Variants in DDC observed in about 807,000 individuals in gnomAD.
The protein encoded by DDC is aromatic-L-amino-acid decarboxylase.
DDC carries 43 observed loss-of-function variants against 60.0 expected under a neutral mutation model. The observed-to-expected ratio is 0.72, with a 90% CI of 0.56 to 0.92. DDC has a LOEUF of 0.92. Among genes scored for constraint, DDC ranks in the 40% least tolerant of loss-of-function variants. The pLI, the probability that DDC is intolerant of heterozygous loss-of-function variation, is 0.00. For missense variants in DDC, 573 were observed against 620.2 expected (o/e 0.92, Z 0.81); for synonymous variants, 232 against 234.6 (o/e 0.99, Z 0.10).
chr7:50,521,262 A>G (rs2043881815), intron 6 of DDC, among the ~76,000 whole-genome samples: 1 of 152,186 alleles, frequency 6.6e-6, no homozygotes, highest in Non-Finnish European at 1.5e-5. Flanking sequence ...AGAGAAAGAG[A>G]TAACCTCAAT....
intron 7 of DDC, among the ~76,000 whole-genome samples, chr7:50,499,824 G>A (rs530189906): frequency 6.6e-6 from 1 of 152,282 alleles, no homozygotes; most frequent in South Asian, 2.1e-4. Flanking sequence ...CCTCATTCAG[G>A]AGCTGGGAGA....
intron 11 of DDC, 102 bp downstream of exon 11, chr7:50,476,522 G>T: frequency 9.0e-7 from 1 of 1,116,372 alleles, no homozygotes. Flanking sequence ...GCCCACCAGT[G>T]CGTGCTGATC....
intron 7 of DDC, among the ~76,000 whole-genome samples, chr7:50,501,392 T>A (rs886997081): frequency 6.6e-6 from 1 of 152,182 alleles, no homozygotes; most frequent in African/African-American, 2.4e-5. Context: ...AACTATCCAC[T>A]TTTTGTATTC....
At chr7:50,517,862 T>C (rs1329071409) in intron 6 of DDC, among the ~76,000 whole-genome samples, 1 of 139,060 alleles carries the variant, frequency 7.2e-6, no homozygotes, top group Admixed American at 7.2e-5. Context: ...GGAATATACC[T>C]AACCAAGGAG....
At chr7:50,543,610 A>G in intron 2 of DDC, 1 of 478,584 alleles carries the variant, frequency 2.1e-6, no homozygotes, top group South Asian at 2.0e-5. Flanking sequence ...CTGGGCAGGG[A>G]CTGAGTCTCA....
At chr7:50,541,386 G>C (rs545621480) in intron 2 of DDC, 3 of 152,262 alleles carry the variant, frequency 2.0e-5, no homozygotes, top group Non-Finnish European at 2.9e-5. Context: ...ATGCTCTATC[G>C]GGCTTGGCTG....
At chr7:50,553,775 G>C (rs10229387) in intron 1 of DDC, among the ~76,000 whole-genome samples, 1 of 151,820 alleles carries the variant, frequency 6.6e-6, no homozygotes, top group Non-Finnish European at 1.5e-5. Context: ...GTGAACCACC[G>C]TACCCAGCCT....
At chr7:50,491,873 G>A (rs775174714) in intron 9 of DDC, among the ~76,000 whole-genome samples, 1 of 152,044 alleles carries the variant, frequency 6.6e-6, no homozygotes, top group Non-Finnish European at 1.5e-5. Flanking sequence ...AATCATCTTT[G>A]GGGAAAGGCA....
At chr7:50,544,195 G>A (rs1299128547) in intron 1 of DDC, 82 bp from the exon 2 acceptor site, 2 of 1,055,278 alleles carry the variant, frequency 1.9e-6, no homozygotes, top group African/African-American at 1.6e-5. Context: ...CCGTGGGTAG[G>A]GACACCTGGG....
intron 6 of DDC, among the ~76,000 whole-genome samples, chr7:50,504,299 G>A (rs188246675): frequency 2.7e-4 from 41 of 152,292 alleles, no homozygotes; most frequent in East Asian, 3.9e-4. Flanking sequence ...GTTAGAAACC[G>A]GGAAGTTGCA....
rs770717871 is a variant in DDC, at chr7:50,463,316, C to A, written c.1358G>T (p.Arg453Leu). Residue 453 changes from arginine to leucine, a missense_variant, in exon 14 of 15, where the codon CGC becomes CTC. By Grantham distance (102) the Arg-to-Leu change is moderately radical (BLOSUM62 -2). Transcript: ENST00000444124. ...KFVLRFAICS[R>L]TVESAHVQRA... is the part of the protein sequence containing the mutation. ...CTGCACATGGGCAGATTCCACCGTG[C>A]GAGAACAGATGGCAAAGCGCAGGAC... The A allele has an allele frequency of 1.2e-6, 2 of 1,614,094 alleles. No individual in the cohort carries two copies. The highest frequency in any genetic ancestry group is 8.5e-7 in the Non-Finnish European group (1 of 1,180,052).
In DDC at chr7:50,564,782, T is replaced by C. The variant is rs76579124; in HGVS notation, c.-29+503A>G. On this transcript the variant is annotated intron_variant, in intron 1 of 14. Transcript: ENST00000444124. ...GGTAGACACCAAATTGACCTCTAAG[T>C]AAACTATAACATACACCAAAAGGAG... is the stretch of plus-strand genomic sequence containing the variant. 6.6e-3 allele frequency among the ~76,000 whole-genome samples: 1,008 copies of C among 152,234 alleles called. 15 individuals are homozygous for C. Among genetic ancestry groups the C allele is most frequent in the African/African-American group, 0.023 (962 of 41,542 alleles).
chr7:50,527,982 C>A (rs1455664480), intron 6 of DDC, 155 bp downstream of exon 6: 2 of 777,006 alleles, frequency 2.6e-6, no homozygotes, highest in South Asian at 1.8e-5. Flanking sequence ...CTGCAACCTC[C>A]GCCTCCCGGG....
intron 8 of DDC, among the ~76,000 whole-genome samples, chr7:50,495,820 T>G (rs1319017950): frequency 2.6e-5 from 4 of 152,232 alleles, no homozygotes; most frequent in Non-Finnish European, 5.9e-5. Flanking sequence ...ACTGGAATAT[T>G]TGGAAAAATC....
chr7:50,553,688 T>C (rs1238307574), intron 1 of DDC, among the ~76,000 whole-genome samples: 1 of 151,938 alleles, frequency 6.6e-6, no homozygotes, highest in East Asian at 1.9e-4. Context: ...GGTTTTACCT[T>C]ATTGGTCAGG....
At chr7:50,530,241 T>A (rs1037292091) in intron 4 of DDC, among the ~76,000 whole-genome samples, 2 of 151,622 alleles carry the variant, frequency 1.3e-5, no homozygotes, top group African/African-American at 4.8e-5. Flanking sequence ...GGCGACAGAG[T>A]GAGACCCAGT....
At chr7:50,512,891 C>T (rs945607533) in intron 6 of DDC, among the ~76,000 whole-genome samples, 1 of 152,216 alleles carries the variant, frequency 6.6e-6, no homozygotes, top group African/African-American at 2.4e-5. Context: ...AGAAAGTCAT[C>T]ACACATACCC....
At chr7:50,465,098 AT>A (rs935091937) in intron 13 of DDC, among the ~76,000 whole-genome samples, 3 of 152,260 alleles carry the variant, frequency 2.0e-5, no homozygotes, top group African/African-American at 7.2e-5. Context: ...GTTTGGTGGC[AT>A]CTACAAATTA....
intron 6 of DDC, among the ~76,000 whole-genome samples, chr7:50,524,214 T>C (rs2043977703): frequency 6.6e-6 from 1 of 152,286 alleles, no homozygotes; most frequent in African/African-American, 2.4e-5. Flanking sequence ...GCAGTGAAAC[T>C]ATTCTGTGTA....
Sources: allele counts gnomAD v4.1 joint callset (sites outside exome capture counted in the v4.1 genomes callset), GRCh38; gene constraint gnomAD v4.1.1; transcripts MANE v1.5; gene names NCBI Gene and HGNC (gene_info 2026-07-23, HGNC 2026-07-21).